Variants in PDE2A observed in about 807,000 individuals in gnomAD.
PDE2A encodes the protein cGMP-dependent 3',5'-cyclic phosphodiesterase.
PDE2A carries 53 observed loss-of-function variants against 133.6 expected under a neutral mutation model. The ratio of observed to expected loss-of-function variants is 0.40; its 90% confidence interval spans 0.32 to 0.50. PDE2A has a LOEUF of 0.50. Ranked by LOEUF, PDE2A falls within the 20% of genes least tolerant of loss-of-function variation. The probability of loss-of-function intolerance (pLI) is 0.73; values close to 1 mark genes in which losing one functional copy is unlikely to be tolerated. For synonymous variants in PDE2A, 491 were observed against 490.2 expected, an observed-to-expected ratio of 1.00 and a Z score of -0.02; for missense variants, 796 against 1,232.4, an observed-to-expected ratio of 0.65 and a Z score of 5.30.
At position 72,578,105 on chromosome 11, in the gene PDE2A, C is replaced by T. The variant is rs554574408; in HGVS notation, c.2615+128G>A. 3 of 701,358 alleles carry T rather than the reference C, an allele frequency of 4.3e-6. No homozygotes were observed. Among genetic ancestry groups the T allele is most frequent in the East Asian group, 2.5e-5 (1 of 40,278 alleles). The allele number at this position is 701,358 out of a possible 1,614,324, so 43.4% of individuals were successfully genotyped here. On this transcript the variant is annotated intron_variant, in intron 30 of 30. Coordinates refer to ENST00000334456, the MANE Select transcript of PDE2A (RefSeq NM_002599.5). The surrounding 1 kb of genome is among the most constrained non-coding windows in gnomAD (Gnocchi z 4.2). ...GGGCACAGCGGGAGACAGTTATGCC[C>T]AGAGGCAAGGGGATGAATCAGTTGG... is the stretch of plus-strand genomic sequence containing the variant.
At chr11:72,630,030 C>T (rs926443331) in intron 2 of PDE2A, among the ~76,000 whole-genome samples, 3 of 152,204 alleles carry the variant, frequency 2.0e-5, no homozygotes, top group East Asian at 1.9e-4. Context: ...TCCTCTGTGC[C>T]GATCTTCAAC....
intron 1 of PDE2A, among the ~76,000 whole-genome samples, chr11:72,668,654 C>A (rs982078281): frequency 1.3e-5 from 2 of 152,262 alleles, no homozygotes; most frequent in East Asian, 3.8e-4. Context: ...ATGCTTACTG[C>A]AAATTCACAA....
intron 2 of PDE2A, among the ~76,000 whole-genome samples, chr11:72,613,862 G>T (rs1857335723): frequency 6.6e-6 from 1 of 152,168 alleles, no homozygotes; most frequent in Non-Finnish European, 1.5e-5. Flanking sequence ...AATATACACA[G>T]CCTCTTATCT....
chr11:72,623,445 T>A (rs374425419), intron 2 of PDE2A, among the ~76,000 whole-genome samples: 1 of 151,996 alleles, frequency 6.6e-6, no homozygotes. Flanking sequence ...AGTCCCCACC[T>A]CTTCTGTTGC....
intron 2 of PDE2A, among the ~76,000 whole-genome samples, chr11:72,637,906 G>C (rs1858772906): frequency 6.6e-6 from 1 of 152,188 alleles, no homozygotes; most frequent in Non-Finnish European, 1.5e-5. Context: ...AGGGAGGTCG[G>C]GGGATGGGCA....
intron 2 of PDE2A, among the ~76,000 whole-genome samples, chr11:72,631,637 C>T (rs1289765019): frequency 6.6e-6 from 1 of 152,138 alleles, no homozygotes. Context: ...TGTGGGAGCC[C>T]CCCTACCCCA....
intron 17 of PDE2A, 61 bp downstream of exon 17, chr11:72,584,811 A>C: frequency 6.2e-7 from 1 of 1,609,980 alleles, no homozygotes; most frequent in Non-Finnish European, 8.5e-7. Context: ...GCCGCTCCCC[A>C]GCGCCGCCGG....
At chr11:72,617,375 A>G (rs2135386742) in intron 2 of PDE2A, among the ~76,000 whole-genome samples, 1 of 152,182 alleles carries the variant, frequency 6.6e-6, no homozygotes, top group East Asian at 1.9e-4. Context: ...GATAGAGAGC[A>G]GGGCACAGAG....
Position 72,590,874 on chromosome 11 carries a change from G to A in PDE2A, c.550-294C>T. 1 of 387,800 alleles carries A rather than the reference G, an allele frequency of 2.6e-6. No homozygotes were observed. Among genetic ancestry groups the A allele is most frequent in the South Asian group, 8.4e-5 (1 of 11,844 alleles). 24.0% of individuals were successfully genotyped at this position (387,800 alleles called of 1,614,324 possible). A position where few individuals can be genotyped will look rare whatever the true frequency, so the allele number is the denominator to read the frequency against. ...CAGATTTCTGTCTCCAGCCCCCTCA[G>A]GAAGTCGTAAGTCCTTGTTAAAGTC... On this transcript the variant is annotated intron_variant, in intron 7 of 30. Coordinates refer to ENST00000334456, the MANE Select transcript of PDE2A (RefSeq NM_002599.5). The surrounding 1 kb of genome is among the most constrained non-coding windows in gnomAD (Gnocchi z 4.8).
chr11:72,577,201 G>A lies in PDE2A; in HGVS notation c.*183C>T, dbSNP rs1855506575. 3.4e-6 allele frequency: 2 copies of A among 590,080 alleles called. No individual in the cohort carries two copies. Among genetic ancestry groups the A allele is most frequent in the Non-Finnish European group, 6.0e-6 (2 of 332,422 alleles). 36.6% of individuals were successfully genotyped at this position (590,080 alleles called of 1,614,324 possible). Reference sequence around the variant, plus strand: ...CAAATTACAAAGTCTCCGTGAGGTTGGAAGTCTTGCTTCCATTATACAGAC... The same window carrying A: ...CAAATTACAAAGTCTCCGTGAGGTTAGAAGTCTTGCTTCCATTATACAGAC... On this transcript the variant is annotated 3_prime_UTR_variant, in exon 31 of 31. Transcript: ENST00000334456.
intron 2 of PDE2A, among the ~76,000 whole-genome samples, chr11:72,622,280 C>T (rs1857811228): frequency 6.6e-6 from 1 of 152,154 alleles, no homozygotes; most frequent in Admixed American, 6.5e-5. Flanking sequence ...TAAAAAGATA[C>T]AGAAAACAGT....
intron 1 of PDE2A, among the ~76,000 whole-genome samples, chr11:72,663,408 C>T (rs1182761341): frequency 1.3e-5 from 2 of 152,230 alleles, no homozygotes; most frequent in Non-Finnish European, 2.9e-5. Flanking sequence ...TATGAGTCCA[C>T]TCAGGAGACC....
chr11:72,635,630 C>T (rs1348825820), intron 2 of PDE2A, among the ~76,000 whole-genome samples: 1 of 152,188 alleles, frequency 6.6e-6, no homozygotes, highest in African/African-American at 2.4e-5. Flanking sequence ...TTCTCAAAAT[C>T]CTATACTCCT....
Position 72,590,627 on chromosome 11 carries a change from G to A in PDE2A, c.550-47C>T. ...GCGCGCCGCTCGCCCCAAGCTCGCT[G>A]CGCTTGCTGCAGCGGGATTCCTGCC... On this transcript the variant is annotated intron_variant, in intron 7 of 30. Transcript: ENST00000334456. The surrounding 1 kb of genome is among the most constrained non-coding windows in gnomAD (Gnocchi z 4.8). The A allele has an allele frequency of 7.5e-7, 1 of 1,328,674 alleles. No individual in the cohort carries two copies. Among genetic ancestry groups the A allele is most frequent in the Middle Eastern group, 2.8e-4 (1 of 3,592 alleles). 82.3% of individuals were successfully genotyped at this position (1,328,674 alleles called of 1,614,324 possible).
At chr11:72,655,556 G>A (rs879037897) in intron 1 of PDE2A, among the ~76,000 whole-genome samples, 2 of 152,044 alleles carry the variant, frequency 1.3e-5, no homozygotes, top group Admixed American at 1.3e-4. Flanking sequence ...TGAGTCAGTA[G>A]AGCAGGAGTT....
In PDE2A at chr11:72,590,055, C is replaced by T; in HGVS notation, c.757-74G>A. 1 of 1,435,794 alleles carries T rather than the reference C, an allele frequency of 7.0e-7. No homozygotes were observed. The highest frequency in any genetic ancestry group is 9.6e-7 in the Non-Finnish European group (1 of 1,044,322). 88.9% of individuals were successfully genotyped at this position (1,435,794 alleles called of 1,614,324 possible). On this transcript the variant is annotated intron_variant, in intron 9 of 30. Transcript: ENST00000334456. The surrounding 1 kb of genome is among the most constrained non-coding windows in gnomAD (Gnocchi z 4.8). ...CCCCACTCCCCACCTGCTCCCCTCT[C>T]CGGGGCTCTTCAGGCGGGTGGAGGA...
At chr11:72,592,064 G>A (rs774561817) in intron 6 of PDE2A, among the ~76,000 whole-genome samples, 7 of 151,938 alleles carry the variant, frequency 4.6e-5, no homozygotes, top group Non-Finnish European at 7.4e-5. Flanking sequence ...CCATCATCCT[G>A]TCCCTCTCCA....
At chr11:72,587,680 T>C (rs932980826) in intron 13 of PDE2A, 2 of 152,184 alleles carry the variant, frequency 1.3e-5, no homozygotes, top group Admixed American at 6.5e-5. Context: ...TGCTCAATAT[T>C]TGTTTGCTGA....
chr11:72,642,282 G>T lies in PDE2A; in HGVS notation c.116C>A (p.Pro39Gln). Residue 39 changes from proline (P) to glutamine (Q), a missense_variant, in exon 2 of 31, where the codon CCG (proline) becomes CAG (glutamine). Around this residue, in one of 7 missense-constraint regions of PDE2A, gnomAD observed 417 missense variants for 475.3 expected, o/e 0.88. Coordinates refer to ENST00000334456, the MANE Select transcript of PDE2A (RefSeq NM_002599.5). ...CAGGCTGTCGGCGCATGGCTGCGGC[G>T]GCGGCGGCGGCTCGTCCGGCTTGAG... is the stretch of plus-strand genomic sequence containing the variant. ...VFLKPDEPPPPPQPCADSLQD... is the reference protein window; with the variant it reads ...VFLKPDEPPPQPQPCADSLQD... 6.6e-7 allele frequency: 1 copy of T among 1,518,680 alleles called. No homozygotes were observed. Among genetic ancestry groups the T allele is most frequent in the Non-Finnish European group, 8.8e-7 (1 of 1,135,992 alleles). The allele number at this position is 1,518,680 out of a possible 1,614,324, so 94.1% of individuals were successfully genotyped here.
Sources: allele counts gnomAD v4.1 joint callset (sites outside exome capture counted in the v4.1 genomes callset), GRCh38; gene constraint gnomAD v4.1.1; regional missense constraint gnomAD v4.1.1; non-coding constraint Gnocchi (gnomAD v3.1); transcripts MANE v1.5; gene names NCBI Gene and HGNC (gene_info 2026-07-23, HGNC 2026-07-21).